The following PDIA5 variants were observed in gnomAD, a reference collection of about 807,000 sequenced individuals.
The protein encoded by PDIA5 is protein disulfide isomerase family A member 5, also known as protein disulfide-isomerase A5.
PDIA5 carries 58 observed loss-of-function variants against 77.6 expected under a neutral mutation model. The observed-to-expected ratio is 0.75, with a 90% confidence interval of 0.61 to 0.93. The LOEUF is 0.93. Among genes scored for constraint, PDIA5 ranks in the 40% least tolerant of loss-of-function variants. The pLI is 0.00. For synonymous variants in PDIA5, 250 were observed against 252.1 expected (o/e 0.99, Z 0.08); for missense variants, 630 against 647.7 (o/e 0.97, Z 0.30).
intron 1 of PDIA5, among the ~76,000 whole-genome samples, chr3:123,087,528 C>T (rs923108367): frequency 4.6e-5 from 7 of 151,244 alleles, no homozygotes; most frequent in African/African-American, 1.5e-4. Flanking sequence ...TTTTACTTTC[C>T]AAGAGATTTT....
intron 7 of PDIA5, among the ~76,000 whole-genome samples, chr3:123,113,749 C>T (rs965393359): frequency 6.0e-4 from 91 of 152,166 alleles, no homozygotes; most frequent in Non-Finnish European, 4.4e-4. Flanking sequence ...CCTTTGGTCA[C>T]ATGTTGGGTG....
At chr3:123,127,221 A>G (rs1935261209) in intron 10 of PDIA5, among the ~76,000 whole-genome samples, 1 of 152,190 alleles carries the variant, frequency 6.6e-6, no homozygotes, top group Non-Finnish European at 1.5e-5. Flanking sequence ...AGCCTGGAAC[A>G]ATTGCTCTCT....
At chr3:123,105,099 G>T (rs1934694835) in intron 5 of PDIA5, among the ~76,000 whole-genome samples, 1 of 152,088 alleles carries the variant, frequency 6.6e-6, no homozygotes, top group Non-Finnish European at 1.5e-5. Flanking sequence ...GGGGGAGGAG[G>T]GCTGGGCGTG....
At chr3:123,067,245 G>T in intron 1 of PDIA5, 39 bp downstream of exon 1, 1 of 1,235,464 alleles carries the variant, frequency 8.1e-7, no homozygotes, top group Non-Finnish European at 1.0e-6. Context: ...GGGCCAGCAC[G>T]TGTGTCCCGC....
At chr3:123,098,750 A>G (rs983099285) in intron 3 of PDIA5, among the ~76,000 whole-genome samples, 1 of 152,160 alleles carries the variant, frequency 6.6e-6, no homozygotes, top group Admixed American at 6.5e-5. Flanking sequence ...CTTGCAGGAC[A>G]GGGGCCGGGG....
intron 3 of PDIA5, among the ~76,000 whole-genome samples, chr3:123,100,409 G>A (rs1417633925): frequency 6.6e-6 from 1 of 152,234 alleles, no homozygotes; most frequent in African/African-American, 2.4e-5. Context: ...TCTCCATTTG[G>A]AGAGCCCACT....
At chr3:123,120,581 C>G (rs1005305060) in intron 8 of PDIA5, among the ~76,000 whole-genome samples, 7 of 152,258 alleles carry the variant, frequency 4.6e-5, no homozygotes, top group African/African-American at 1.7e-4. Flanking sequence ...CTTCCAGTGA[C>G]CACATCTCTG....
At chr3:123,120,002 G>C (rs1041514965) in intron 8 of PDIA5, among the ~76,000 whole-genome samples, 27 of 152,130 alleles carry the variant, frequency 1.8e-4, no homozygotes, top group Admixed American at 4.6e-4. Flanking sequence ...GACGTCTGGT[G>C]ACTCATCGCG....
At chr3:123,104,603 T>C (rs1187341821) in intron 5 of PDIA5, among the ~76,000 whole-genome samples, 1 of 152,218 alleles carries the variant, frequency 6.6e-6, no homozygotes, top group Admixed American at 6.5e-5. Context: ...TGAGAACTTA[T>C]CTCCCCACTG....
At chr3:123,145,242 G>A (rs1935740955) in intron 11 of PDIA5, 1 of 376,512 alleles carries the variant, frequency 2.7e-6, no homozygotes, top group South Asian at 5.4e-5. Flanking sequence ...CCTACTTTGT[G>A]GGGTAGTTAT....
At chr3:123,120,993 G>A (rs1935102623) in intron 8 of PDIA5, among the ~76,000 whole-genome samples, 1 of 152,154 alleles carries the variant, frequency 6.6e-6, no homozygotes, top group South Asian at 2.1e-4. Context: ...TGGTTTGAGG[G>A]TTGCTTTCTT....
rs543326343 is a variant in PDIA5 at position 123,153,881 on chromosome 3, C to T, written c.1274-1090C>T. On this transcript the variant is annotated intron_variant, in intron 14 of 16. Transcript: ENST00000316218. ...TGAGCAAAGCCGTTTCTGTTCCCAC[C>T]GTGGCATCTCTGCCTTCCCGAGGCT... Among the ~76,000 whole-genome samples, 30 of 152,316 alleles carry T rather than the reference C, an allele frequency of 2.0e-4. No individual in the cohort carries two copies. In the East Asian group the frequency reaches 2.9e-3, roughly 15 times the overall value.
intron 3 of PDIA5, among the ~76,000 whole-genome samples, chr3:123,101,490 A>G (rs765816066): frequency 1.3e-5 from 2 of 152,208 alleles, no homozygotes; most frequent in African/African-American, 4.8e-5. Flanking sequence ...CCCAGATGCC[A>G]AGGGAGGGGC....
intron 8 of PDIA5, among the ~76,000 whole-genome samples, chr3:123,123,677 C>T (rs542894685): frequency 2.0e-5 from 3 of 152,294 alleles, no homozygotes; most frequent in South Asian, 2.1e-4. Flanking sequence ...GAGTACAACC[C>T]GAGTTGACAT....
At chr3:123,146,052 AC>A in intron 12 of PDIA5, 46 bp from the exon 13 acceptor site, 2 of 1,582,998 alleles carry the variant, frequency 1.3e-6, no homozygotes, top group Non-Finnish European at 1.7e-6. Context: ...TTCCACCAGC[AC>A]CGCATCTGAG....
intron 2 of PDIA5, among the ~76,000 whole-genome samples, chr3:123,092,016 G>T (rs568509218): frequency 1.1e-4 from 17 of 152,214 alleles, no homozygotes; most frequent in Non-Finnish European, 8.8e-5. Context: ...AGAAAGACAT[G>T]AGTCGGAGAC....
At position 123,093,758 on chromosome 3, in the gene PDIA5, C is replaced by T. The variant is rs572663232; in HGVS notation, c.257+1316C>T. ...CAGTGCCACAAACACAGACTATATG[C>T]ATGGAGGGAAAGCCCCTCCATTCTT... On this transcript the variant is annotated intron_variant, in intron 3 of 16. Transcript: ENST00000316218. Among the ~76,000 whole-genome samples, 146 of 152,306 alleles carry T rather than the reference C, an allele frequency of 9.6e-4. 1 individual carries two copies. The highest frequency in any genetic ancestry group is 6.8e-3 in the Middle Eastern group (2 of 294).
intron 5 of PDIA5, among the ~76,000 whole-genome samples, chr3:123,105,316 G>A (rs1193371840): frequency 2.0e-5 from 3 of 152,226 alleles, no homozygotes; most frequent in Admixed American, 2.0e-4. Flanking sequence ...AGGTATTTCT[G>A]GAACCCCAGG....
chr3:123,084,832 C>T (rs959838515), intron 1 of PDIA5, among the ~76,000 whole-genome samples: 2 of 152,186 alleles, frequency 1.3e-5, no homozygotes, highest in Non-Finnish European at 2.9e-5. Context: ...TCCACGCGGG[C>T]AGCCACCCAG....
Sources: gnomAD v4.1 joint callset for allele counts (sites outside exome capture counted in the v4.1 genomes callset) on GRCh38, gnomAD v4.1.1 for gene constraint, MANE v1.5 for transcripts, NCBI Gene and HGNC (gene_info 2026-07-23, HGNC 2026-07-21) for gene names.